The following PDE8A variants were observed in gnomAD, a reference collection of about 807,000 sequenced individuals.
The protein encoded by PDE8A is phosphodiesterase 8A.
Under a neutral mutation model 105.0 loss-of-function variants are expected in PDE8A, and 59 were observed. That is an observed-to-expected ratio of 0.56 (90% CI 0.46 to 0.70). The LOEUF (loss-of-function observed/expected upper bound fraction) is 0.70, where lower values mean the gene tolerates loss of function less well. Among genes scored for constraint, PDE8A ranks in the 30% least tolerant of loss-of-function variants. PDE8A has a pLI of 0.00. For synonymous variants in PDE8A, 355 were observed against 371.9 expected (o/e 0.95, Z 0.52); for missense variants, 1,014 against 1,045.9 (o/e 0.97, Z 0.42).
Position 84,982,117 on chromosome 15 carries a change from C to T in PDE8A, c.-46C>T. 1 of 1,220,602 alleles carries T rather than the reference C, an allele frequency of 8.2e-7. No individual in the cohort carries two copies. The allele number at this position is 1,220,602 out of a possible 1,614,324, so 75.6% of individuals were successfully genotyped here. ...AGGCGCCGGGTGGGCCGTTTGCTGACCGGATCGCGGCTACCCGCCAGCGTG... is the reference window on the plus strand; with the variant it reads ...AGGCGCCGGGTGGGCCGTTTGCTGATCGGATCGCGGCTACCCGCCAGCGTG... On this transcript the variant is annotated 5_prime_UTR_variant, in exon 1 of 22. Transcript: ENST00000394553.
chr15:85,066,971 A>C, intron 2 of PDE8A, 43 bp from the exon 3 acceptor site: 1 of 1,403,030 alleles, frequency 7.1e-7, no homozygotes, highest in African/African-American at 1.4e-5. Context: ...TGACAATTCT[A>C]ACATCTTTTT....
In PDE8A at chr15:85,116,099, G is replaced by A. The variant is rs1471003656; in HGVS notation, c.1515G>A (p.Leu505=). ...ACTGGGACTTTGATATTTTTGAACTGGAGGCTGCCACCCACAATAGGTGAG... is the reference window on the plus strand; with the variant it reads ...ACTGGGACTTTGATATTTTTGAACTAGAGGCTGCCACCCACAATAGGTGAG... ...EEYWDFDIFE[L]EAATHNRPLI... The change falls in exon 16 of 22, where the codon CTG becomes CTA. Residue 505 remains leucine, a synonymous_variant. Transcript: ENST00000394553. 6.2e-7 allele frequency: 1 copy of A among 1,614,074 alleles called. No homozygotes were observed. The highest frequency in any genetic ancestry group is 8.5e-7 in the Non-Finnish European group (1 of 1,179,956).
At chr15:85,076,115 G>A (rs1373314819) in intron 4 of PDE8A, among the ~76,000 whole-genome samples, 197 bp downstream of exon 4, 3 of 152,032 alleles carry the variant, frequency 2.0e-5, no homozygotes, top group Admixed American at 2.0e-4. Flanking sequence ...CTAGATTTTT[G>A]TGATTTTTAA....
In PDE8A at chr15:84,982,098, C is replaced by G. The variant is rs2079720230; in HGVS notation, c.-65C>G. 1 of 1,091,248 alleles carries G rather than the reference C, an allele frequency of 9.2e-7. No individual in the cohort carries two copies. The highest frequency in any genetic ancestry group is 1.2e-6 in the Non-Finnish European group (1 of 868,330). 67.6% of individuals were successfully genotyped at this position (1,091,248 alleles called of 1,614,324 possible). ...GGCGCCCGCGGCGGCCCGGAGGCGC[C>G]GGGTGGGCCGTTTGCTGACCGGATC... On this transcript the variant is annotated 5_prime_UTR_variant, in exon 1 of 22. Coordinates refer to ENST00000394553, the MANE Select transcript of PDE8A (RefSeq NM_002605.3).
intron 3 of PDE8A, among the ~76,000 whole-genome samples, chr15:85,068,196 A>G (rs2081260237): frequency 6.6e-6 from 1 of 151,952 alleles, no homozygotes. Context: ...GCACACCACC[A>G]TGCCTGGCTA....
At chr15:85,050,787 A>G (rs1233266857) in intron 1 of PDE8A, among the ~76,000 whole-genome samples, 1 of 152,138 alleles carries the variant, frequency 6.6e-6, no homozygotes, top group Non-Finnish European at 1.5e-5. Flanking sequence ...TGTTTTGGCT[A>G]TTCGAGATCC....
In PDE8A at chr15:85,028,399, G is replaced by C. The variant is rs939806149; in HGVS notation, c.187-35971G>C. 2.0e-5 allele frequency among the ~76,000 whole-genome samples: 3 copies of C among 151,984 alleles called. No individual in the cohort carries two copies. In the East Asian group the frequency reaches 5.8e-4, roughly 29 times the overall value. ...CTGGCTAATTATTTTATTTTTTGTA[G>C]AGACAAGATCTTGCTTTGTTGCCCA... On this transcript the variant is annotated intron_variant, in intron 1 of 21. Transcript: ENST00000394553.
chr15:85,067,701 A>T (rs1239295716), intron 3 of PDE8A, among the ~76,000 whole-genome samples: 2 of 152,214 alleles, frequency 1.3e-5, no homozygotes, highest in Non-Finnish European at 2.9e-5. Flanking sequence ...ATTTTATGAC[A>T]TATTAATTTT....
chr15:85,112,781 C>T (rs933665074), intron 12 of PDE8A, among the ~76,000 whole-genome samples: 5 of 152,154 alleles, frequency 3.3e-5, no homozygotes, highest in East Asian at 1.9e-4. Flanking sequence ...CTTCTCCTCA[C>T]CCCAAAGGAA....
intron 1 of PDE8A, among the ~76,000 whole-genome samples, chr15:85,019,687 C>T (rs1317179316): frequency 1.3e-5 from 2 of 152,092 alleles, no homozygotes; most frequent in Non-Finnish European, 2.9e-5. Flanking sequence ...TCAAGTGATC[C>T]TCCTGCCTCA....
chr15:85,074,659 A>G (rs776045812), intron 3 of PDE8A, among the ~76,000 whole-genome samples: 6 of 152,192 alleles, frequency 3.9e-5, no homozygotes, highest in Non-Finnish European at 7.4e-5. Flanking sequence ...CCTGGTGACA[A>G]ATAGGAACCT....
chr15:85,100,365 G>A, intron 11 of PDE8A, 167 bp downstream of exon 11: 1 of 629,872 alleles, frequency 1.6e-6, no homozygotes, highest in Non-Finnish European at 2.7e-6. Context: ...CTTGTACAGA[G>A]GACTTGAGCG....
intron 1 of PDE8A, among the ~76,000 whole-genome samples, chr15:85,007,352 G>T (rs117746292): frequency 4.0e-5 from 6 of 151,220 alleles, no homozygotes; most frequent in Non-Finnish European, 7.4e-5. Context: ...ACAAAAGCAG[G>T]CAAAACAGAT....
intron 1 of PDE8A, among the ~76,000 whole-genome samples, chr15:85,034,029 G>A: frequency 6.6e-6 from 1 of 152,126 alleles, no homozygotes; most frequent in Non-Finnish European, 1.5e-5. Flanking sequence ...ACATAGAGTG[G>A]CCAGCCTTGC....
At chr15:85,046,403 CA>C (rs2080888876) in intron 1 of PDE8A, among the ~76,000 whole-genome samples, 1 of 152,174 alleles carries the variant, frequency 6.6e-6, no homozygotes, top group African/African-American at 2.4e-5. Flanking sequence ...CTGAAAACTA[CA>C]AGTCCTGTAT....
At chr15:85,005,057 T>C (rs2080124233) in intron 1 of PDE8A, among the ~76,000 whole-genome samples, 1 of 152,178 alleles carries the variant, frequency 6.6e-6, no homozygotes, top group South Asian at 2.1e-4. Flanking sequence ...ATAGAATACA[T>C]TTATCTTACA....
At chr15:85,038,163 T>C (rs2080738756) in intron 1 of PDE8A, among the ~76,000 whole-genome samples, 1 of 152,190 alleles carries the variant, frequency 6.6e-6, no homozygotes, top group Non-Finnish European at 1.5e-5. Flanking sequence ...TTATCCTTCT[T>C]AGCTCTTGCG....
chr15:85,012,658 C>T (rs1381015894), intron 1 of PDE8A, among the ~76,000 whole-genome samples: 2 of 151,558 alleles, frequency 1.3e-5, no homozygotes, highest in East Asian at 1.9e-4. Context: ...TGTAACTAAC[C>T]TGCACATTGT....
At chr15:84,990,918 A>T (rs2079875857) in intron 1 of PDE8A, among the ~76,000 whole-genome samples, 2 of 152,178 alleles carry the variant, frequency 1.3e-5, no homozygotes, top group African/African-American at 4.8e-5. Context: ...TTTTAATTTT[A>T]GCCATTCTGG....
Sources: gnomAD v4.1 joint callset for allele counts (sites outside exome capture counted in the v4.1 genomes callset) on GRCh38, gnomAD v4.1.1 for gene constraint, MANE v1.5 for transcripts, NCBI Gene and HGNC (gene_info 2026-07-23, HGNC 2026-07-21) for gene names.